The following FAR2 variants were observed in gnomAD, a reference collection of about 807,000 sequenced individuals.
The protein encoded by FAR2 is epididymis secretory protein Li 81.
A neutral mutation model predicts 56.0 loss-of-function variants in FAR2; 19 were observed. That is an observed-to-expected ratio of 0.34 (90% CI 0.24 to 0.50). The LOEUF (loss-of-function observed/expected upper bound fraction) is 0.50. FAR2 is among the 20% of genes least tolerant of loss of function. The pLI is 0.98. For synonymous variants in FAR2, 219 were observed against 218.8 expected (o/e 1.00, Z -0.01); for missense variants, 508 against 642.2 (o/e 0.79, Z 2.26).
intron 2 of FAR2, among the ~76,000 whole-genome samples, chr12:29,286,088 C>T (rs1234490601): frequency 1.4e-5 from 2 of 143,216 alleles, no homozygotes; most frequent in Admixed American, 7.2e-5. Flanking sequence ...CACACACACA[C>T]ATACACACAC....
chr12:29,270,755 A>T, intron 2 of FAR2, 117 bp downstream of exon 2: 2 of 824,864 alleles, frequency 2.4e-6, no homozygotes, highest in Non-Finnish European at 3.4e-6. Context: ...GCACAGGTAG[A>T]GGAAGGCAGA....
At chr12:29,150,371 C>T (rs1260829626) in intron 1 of FAR2, among the ~76,000 whole-genome samples, 1 of 152,184 alleles carries the variant, frequency 6.6e-6, no homozygotes, top group Non-Finnish European at 1.5e-5. Flanking sequence ...AAAGTGCCCC[C>T]ATTATGTGAT....
At chr12:29,255,433 A>AGT (rs1196418654) in intron 1 of FAR2, among the ~76,000 whole-genome samples, 1 of 152,176 alleles carries the variant, frequency 6.6e-6, no homozygotes, top group Non-Finnish European at 1.5e-5. Context: ...GCTTCAACAC[A>AGT]TGAATTTTAG....
At chr12:29,155,438 A>G (rs193039496) in intron 1 of FAR2, among the ~76,000 whole-genome samples, 14 of 152,356 alleles carry the variant, frequency 9.2e-5, no homozygotes, top group Admixed American at 9.1e-4. Flanking sequence ...AGCATAATGG[A>G]AGAAACAGGT....
rs144878346 is a variant in FAR2, at chr12:29,172,753, G to A, written c.-39+23346G>A. Reference sequence around the variant, plus strand: ...TATTTTCTTAAGGCCTCCCGTAGCCGCTCGAGGAAGGCAGAAGGATTTTCT... The same window carrying A: ...TATTTTCTTAAGGCCTCCCGTAGCCACTCGAGGAAGGCAGAAGGATTTTCT... On this transcript the variant is annotated intron_variant, in intron 1 of 11. Transcript: ENST00000536681. Among the ~76,000 whole-genome samples, 36 of 152,336 alleles carry A rather than the reference G, an allele frequency of 2.4e-4. 2 individuals carry two copies. The highest frequency in any genetic ancestry group is 7.7e-4 in the East Asian group (4 of 5,186).
At chr12:29,168,241 C>G (rs1029926862) in intron 1 of FAR2, among the ~76,000 whole-genome samples, 2 of 152,122 alleles carry the variant, frequency 1.3e-5, no homozygotes, top group Non-Finnish European at 2.9e-5. Context: ...TTAGATGAAC[C>G]TTTGCCTTTG....
chr12:29,258,461 C>G (rs1283264910), intron 1 of FAR2, among the ~76,000 whole-genome samples: 2 of 152,104 alleles, frequency 1.3e-5, no homozygotes, highest in Admixed American at 6.5e-5. Context: ...GTAAATGCTT[C>G]TCCTAACATA....
chr12:29,154,394 C>T (rs1056912106), intron 1 of FAR2, among the ~76,000 whole-genome samples: 1 of 151,586 alleles, frequency 6.6e-6, no homozygotes, highest in African/African-American at 2.4e-5. Context: ...ACCTACTTAA[C>T]CAGTTGTGGT....
rs368011575 is a variant in FAR2, at chr12:29,293,421, G to A, written c.311G>A (p.Cys104Tyr). 4.7e-5 allele frequency: 76 copies of A among 1,608,894 alleles called. No homozygotes were observed. The highest frequency in any genetic ancestry group is 6.3e-5 in the Non-Finnish European group (74 of 1,178,330). ...GAGGACATGCAGGAGCTTCTCTCCT[G>A]TACAAACATAATATTTCACTGTGCA... ...SKEDMQELLS[C>Y]TNIIFHCAAT... Residue 104 changes from cysteine (C) to tyrosine (Y), a missense_variant, in exon 3 of 12, where the codon TGT becomes TAT. Coordinates refer to ENST00000536681, the MANE Select transcript of FAR2 (RefSeq NM_001271783.2).
At chr12:29,251,739 C>T (rs757497213) in intron 1 of FAR2, among the ~76,000 whole-genome samples, 6 of 152,082 alleles carry the variant, frequency 3.9e-5, no homozygotes, top group Non-Finnish European at 7.4e-5. Context: ...AAAGCAATAC[C>T]ACATTCTTGG....
At chr12:29,171,101 C>T (rs1027565048) in intron 1 of FAR2, among the ~76,000 whole-genome samples, 1 of 152,254 alleles carries the variant, frequency 6.6e-6, no homozygotes. Context: ...TTCCAGGATT[C>T]CTCAGATGGT....
intron 10 of FAR2, among the ~76,000 whole-genome samples, chr12:29,325,545 A>G (rs952612994): frequency 3.9e-5 from 6 of 152,230 alleles, no homozygotes; most frequent in Non-Finnish European, 8.8e-5. Context: ...ATTATAATGA[A>G]CTGTCTCTCA....
intron 1 of FAR2, among the ~76,000 whole-genome samples, chr12:29,259,833 C>T (rs76058076): frequency 0.036 from 5,416 of 152,172 alleles, 318 homozygotes; most frequent in African/African-American, 0.12. Flanking sequence ...CCATCCGATA[C>T]CATACATTAT....
chr12:29,155,237 C>T (rs563088641), intron 1 of FAR2, among the ~76,000 whole-genome samples: 5 of 152,308 alleles, frequency 3.3e-5, no homozygotes, highest in Admixed American at 1.3e-4. Flanking sequence ...TCTTAGGTCC[C>T]GTGGTAGGCC....
At chr12:29,211,806 A>C (rs1167968912) in intron 1 of FAR2, among the ~76,000 whole-genome samples, 1 of 151,374 alleles carries the variant, frequency 6.6e-6, no homozygotes, top group African/African-American at 2.4e-5. Context: ...ATTTGGAAAT[A>C]ACTGTTGTCA....
At chr12:29,312,798 G>A (rs1949376317) in intron 8 of FAR2, among the ~76,000 whole-genome samples, 1 of 152,050 alleles carries the variant, frequency 6.6e-6, no homozygotes, top group African/African-American at 2.4e-5. Flanking sequence ...CTGTTACATA[G>A]GTAACACTAC....
intron 1 of FAR2, among the ~76,000 whole-genome samples, chr12:29,266,776 C>T (rs1382992632): frequency 6.6e-6 from 1 of 151,958 alleles, no homozygotes; most frequent in Admixed American, 6.6e-5. Context: ...ATATATATAC[C>T]TACTATGTAC....
chr12:29,256,635 G>A (rs1016776197), intron 1 of FAR2, among the ~76,000 whole-genome samples: 1 of 152,234 alleles, frequency 6.6e-6, no homozygotes, highest in South Asian at 2.1e-4. Flanking sequence ...TTGCAGGGAG[G>A]TGTGGAGGGA....
In FAR2 at chr12:29,307,538, T is replaced by C. The variant is rs1315153373; in HGVS notation, c.546-120T>C. The C allele has an allele frequency of 8.3e-6, 8 of 969,064 alleles. No individual in the cohort carries two copies. In the Admixed American group the frequency reaches 2.0e-4, roughly 25 times the overall value. 60.0% of individuals were successfully genotyped at this position (969,064 alleles called of 1,614,324 possible). On this transcript the variant is annotated intron_variant, in intron 4 of 11. Coordinates refer to ENST00000536681, the MANE Select transcript of FAR2 (RefSeq NM_001271783.2). ...ACACTCAAACTTGGTATCATGTGAC[T>C]GTTCTGAATTCCAGAACCGAGGCTA...
Sources: allele counts gnomAD v4.1 joint callset (sites outside exome capture counted in the v4.1 genomes callset), GRCh38; gene constraint gnomAD v4.1.1; transcripts MANE v1.5; gene names NCBI Gene and HGNC (gene_info 2026-07-23, HGNC 2026-07-21).